Variants in AMPH observed in about 807,000 individuals in gnomAD.
The protein encoded by AMPH is amphiphysin (Stiff-Mann syndrome with breast cancer 128kD autoantigen).
Under a neutral mutation model 99.1 loss-of-function variants are expected in AMPH, and 49 were observed. The observed-to-expected ratio is 0.49, with a 90% CI of 0.39 to 0.63. AMPH has a LOEUF of 0.63. AMPH is among the 20% of genes least tolerant of loss of function. The pLI, the probability that AMPH is intolerant of heterozygous loss-of-function variation, is 0.00. For missense variants in AMPH, 759 were observed against 863.4 expected, an observed-to-expected ratio of 0.88 and a Z score of 1.52; for synonymous variants, 314 against 317.3, an observed-to-expected ratio of 0.99 and a Z score of 0.11.
chr7:38,419,977 G>A (rs1182074955), intron 16 of AMPH, among the ~76,000 whole-genome samples: 1 of 152,082 alleles, frequency 6.6e-6, no homozygotes, highest in African/African-American at 2.4e-5. Flanking sequence ...AAATAGCTAG[G>A]GTGATTTTAT....
chr7:38,444,503 GA>G (rs745565007), intron 11 of AMPH, among the ~76,000 whole-genome samples: 7 of 152,202 alleles, frequency 4.6e-5, no homozygotes, highest in Admixed American at 3.3e-4. Context: ...GACACACAGG[GA>G]AAATGCCATG....
chr7:38,504,517 G>A (rs904557223), intron 2 of AMPH, among the ~76,000 whole-genome samples: 12 of 152,186 alleles, frequency 7.9e-5, no homozygotes, highest in African/African-American at 2.7e-4. Context: ...TACAGACAGC[G>A]TTATCAAGCA....
At chr7:38,467,727 T>A (rs1207069415) in intron 7 of AMPH, among the ~76,000 whole-genome samples, 3 of 151,608 alleles carry the variant, frequency 2.0e-5, no homozygotes, top group Admixed American at 1.3e-4. Flanking sequence ...AAGCAGCTTA[T>A]AAAACCACAT....
intron 1 of AMPH, among the ~76,000 whole-genome samples, chr7:38,611,969 A>G (rs1225519077): frequency 2.6e-5 from 4 of 152,306 alleles, no homozygotes; most frequent in Non-Finnish European, 2.9e-5. Flanking sequence ...ACACAGCTTA[A>G]TAAGTGGACT....
intron 1 of AMPH, among the ~76,000 whole-genome samples, chr7:38,571,321 AAT>A (rs1174878631): frequency 2.4e-5 from 2 of 81,876 alleles, no homozygotes; most frequent in African/African-American, 5.2e-5. Context: ...TTATATATAG[AAT>A]ATATATATTT....
At chr7:38,617,916 G>C (rs144656071) in intron 1 of AMPH, among the ~76,000 whole-genome samples, 10 of 152,102 alleles carry the variant, frequency 6.6e-5, no homozygotes, top group African/African-American at 2.4e-4. Context: ...ATCCAAACCA[G>C]TTAGCAGACA....
chr7:38,487,504 C>T (rs1205581621), intron 5 of AMPH, among the ~76,000 whole-genome samples: 1 of 152,078 alleles, frequency 6.6e-6, no homozygotes, highest in Non-Finnish European at 1.5e-5. Context: ...CTTCTTTATA[C>T]CTTATACAAA....
chr7:38,569,562 G>A (rs1431563221), intron 1 of AMPH, among the ~76,000 whole-genome samples: 3 of 151,808 alleles, frequency 2.0e-5, no homozygotes, highest in Admixed American at 2.0e-4. Flanking sequence ...AAAAATAATG[G>A]CTGGAATAGG....
chr7:38,611,978 C>T (rs927548853), intron 1 of AMPH, among the ~76,000 whole-genome samples: 5 of 151,868 alleles, frequency 3.3e-5, no homozygotes, highest in South Asian at 2.1e-4. Context: ...AATAAGTGGA[C>T]TAAGTAAATG....
intron 11 of AMPH, among the ~76,000 whole-genome samples, chr7:38,445,741 A>C (rs78340542): frequency 0.057 from 8,631 of 152,268 alleles, 631 homozygotes; most frequent in East Asian, 0.35. Context: ...TAAAAACACT[A>C]ACCGATACGG....
chr7:38,540,692 CAAAAAAAAAAAAAAAAA>C (rs373768495), intron 1 of AMPH, among the ~76,000 whole-genome samples: 2 of 19,752 alleles, frequency 1.0e-4, no homozygotes, highest in African/African-American at 1.8e-4. Context: ...TGACCCCAAG[CAAAAAAAAAAAAAAAAA>C]AAAAAAAAAA....
intron 3 of AMPH, 145 bp from the exon 4 acceptor site, chr7:38,494,672 T>C: frequency 1.5e-6 from 1 of 655,202 alleles, no homozygotes; most frequent in Non-Finnish European, 2.7e-6. Flanking sequence ...GCTGCTTGTA[T>C]CTGCTGTTGT....
At chr7:38,596,330 C>T (rs774004438) in intron 1 of AMPH, among the ~76,000 whole-genome samples, 2 of 152,152 alleles carry the variant, frequency 1.3e-5, no homozygotes, top group Non-Finnish European at 2.9e-5. Context: ...TTCCTCCAGC[C>T]TCTTGTCTCA....
chr7:38,436,133 C>A, intron 12 of AMPH, 139 bp downstream of exon 12: 1 of 650,342 alleles, frequency 1.5e-6, no homozygotes. Flanking sequence ...CTTTCTACCC[C>A]TCTTTCCTAT....
chr7:38,552,709 A>G (rs904089379), intron 1 of AMPH, among the ~76,000 whole-genome samples: 9 of 152,210 alleles, frequency 5.9e-5, no homozygotes, highest in African/African-American at 1.9e-4. Context: ...AAATAATTCA[A>G]TATCAGCCAG....
chr7:38,420,539 T>A (rs1361618330), intron 16 of AMPH, among the ~76,000 whole-genome samples: 2 of 152,242 alleles, frequency 1.3e-5, no homozygotes, highest in Non-Finnish European at 2.9e-5. Flanking sequence ...TGGCAGCAGA[T>A]GCCACAATGG....
chr7:38,440,339 A>C (rs1350799150), intron 11 of AMPH, among the ~76,000 whole-genome samples: 3 of 152,210 alleles, frequency 2.0e-5, no homozygotes, highest in Non-Finnish European at 4.4e-5. Flanking sequence ...TTCTAAAATA[A>C]AAATTCAATG....
chr7:38,388,540 T>C (rs988755631), intron 20 of AMPH, among the ~76,000 whole-genome samples: 4 of 152,136 alleles, frequency 2.6e-5, no homozygotes, highest in African/African-American at 7.2e-5. Context: ...TATGAAATTT[T>C]TTTTTAACTC....
At chr7:38,446,924 G>A (rs1168994178) in intron 11 of AMPH, among the ~76,000 whole-genome samples, 1 of 151,920 alleles carries the variant, frequency 6.6e-6, no homozygotes, top group Non-Finnish European at 1.5e-5. Context: ...AAATTGACAT[G>A]GAAATACTTT....
Sources: allele counts gnomAD v4.1 joint callset (sites outside exome capture counted in the v4.1 genomes callset), GRCh38; gene constraint gnomAD v4.1.1; transcripts MANE v1.5; gene names NCBI Gene and HGNC (gene_info 2026-07-23, HGNC 2026-07-21).